The following PCDH15 variants were observed in gnomAD, a reference collection of about 807,000 sequenced individuals.
PCDH15 encodes protocadherin-15.
PCDH15 carries 129 observed loss-of-function variants against 178.5 expected under a neutral mutation model. The observed-to-expected ratio is 0.72, with a 90% CI of 0.63 to 0.84. The LOEUF is 0.84. PCDH15 is among the 40% of genes least tolerant of loss of function. PCDH15 has a pLI of 0.00. For missense variants in PCDH15, 2,230 were observed against 2,099.9 expected (o/e 1.06, Z -1.21); for synonymous variants, 800 against 732.0 (o/e 1.09, Z -1.50).
At chr10:55,570,382 T>A (rs1483209854) in intron 2 of PCDH15, among the ~76,000 whole-genome samples, 3 of 151,976 alleles carry the variant, frequency 2.0e-5, no homozygotes, top group African/African-American at 7.2e-5. Context: ...ACTGGATGAT[T>A]GTAGGCATAG....
chr10:55,052,638 C>T (rs563140530), intron 2 of PCDH15, among the ~76,000 whole-genome samples: 2 of 150,250 alleles, frequency 1.3e-5, no homozygotes, highest in Non-Finnish European at 2.9e-5. Flanking sequence ...ATCGCTGGAA[C>T]CCGGGAGGCG....
intron 1 of PCDH15, among the ~76,000 whole-genome samples, chr10:54,726,052 C>A (rs1942446125): frequency 6.6e-6 from 1 of 151,480 alleles, no homozygotes; most frequent in Admixed American, 6.6e-5. Context: ...AAGGACTTGC[C>A]CAAGATCAGA....
intron 1 of PCDH15, among the ~76,000 whole-genome samples, chr10:55,173,167 T>A (rs1839385620): frequency 6.8e-6 from 1 of 146,828 alleles, no homozygotes; most frequent in African/African-American, 2.5e-5. Flanking sequence ...TCCTTGCCAC[T>A]TTTTTTTTTA....
intron 1 of PCDH15, among the ~76,000 whole-genome samples, chr10:54,750,886 A>G (rs1946132693): frequency 6.6e-6 from 1 of 152,096 alleles, no homozygotes; most frequent in South Asian, 2.1e-4. Flanking sequence ...GCAGCAATAA[A>G]AGCTTAGTAT....
intron 2 of PCDH15, among the ~76,000 whole-genome samples, chr10:55,035,472 A>G (rs1285704431): frequency 6.6e-6 from 1 of 152,070 alleles, no homozygotes; most frequent in Admixed American, 6.6e-5. Context: ...CTCTGTAAAG[A>G]CTTCCCTTGA....
intron 1 of PCDH15, among the ~76,000 whole-genome samples, chr10:55,261,727 C>T (rs970577668): frequency 1.1e-4 from 17 of 152,000 alleles, no homozygotes; most frequent in Admixed American, 2.6e-4. Context: ...CCTCTATTCC[C>T]GAAAGAACAA....
chr10:55,103,765 A>G (rs1842621398), intron 2 of PCDH15, among the ~76,000 whole-genome samples: 1 of 152,032 alleles, frequency 6.6e-6, no homozygotes, highest in Non-Finnish European at 1.5e-5. Flanking sequence ...AATTAGAGAT[A>G]TTGTGTTTAG....
At chr10:54,551,016 C>A (rs10825354) in intron 2 of PCDH15, among the ~76,000 whole-genome samples, 9,374 of 151,598 alleles carry the variant, frequency 0.062, 604 homozygotes, top group East Asian at 0.32. Context: ...ATTAGCCAGG[C>A]ATAGTGGCAC....
chr10:54,749,878 G>A (rs1281192240), intron 1 of PCDH15, among the ~76,000 whole-genome samples: 1 of 152,050 alleles, frequency 6.6e-6, no homozygotes, highest in Non-Finnish European at 1.5e-5. Flanking sequence ...CATAGACTCT[G>A]GAGTATCAGA....
At chr10:55,057,805 T>C (rs1354122828) in intron 2 of PCDH15, among the ~76,000 whole-genome samples, 1 of 152,230 alleles carries the variant, frequency 6.6e-6, no homozygotes, top group Non-Finnish European at 1.5e-5. Flanking sequence ...TTCACGAGAT[T>C]CTACTTATCT....
chr10:53,815,409 T>C (rs2132424652), intron 35 of PCDH15, among the ~76,000 whole-genome samples: 1 of 152,310 alleles, frequency 6.6e-6, no homozygotes, highest in Non-Finnish European at 1.5e-5. Context: ...GTATCTTGAC[T>C]AAGGTCTTGC....
chr10:55,419,867 A>G (rs1489228710), intron 2 of PCDH15, among the ~76,000 whole-genome samples: 1 of 151,750 alleles, frequency 6.6e-6, no homozygotes, highest in East Asian at 1.9e-4. Flanking sequence ...AAAAATATGA[A>G]CAGATAGTAA....
intron 26 of PCDH15, among the ~76,000 whole-genome samples, chr10:53,893,195 T>C (rs538434336): frequency 1.3e-5 from 2 of 152,208 alleles, no homozygotes; most frequent in East Asian, 1.9e-4. Context: ...AAAAAAATCT[T>C]CACATTTGAT....
At chr10:54,670,818 T>C (rs2135499706) in intron 1 of PCDH15, among the ~76,000 whole-genome samples, 1 of 152,280 alleles carries the variant, frequency 6.6e-6, no homozygotes, top group South Asian at 2.1e-4. Context: ...ACTATAGAAA[T>C]AAATTATTCC....
intron 3 of PCDH15, among the ~76,000 whole-genome samples, chr10:54,408,505 T>A (rs1410920848): frequency 6.6e-6 from 1 of 152,190 alleles, no homozygotes; most frequent in Non-Finnish European, 1.5e-5. Context: ...TTTTACAATA[T>A]TCTTACATTA....
intron 2 of PCDH15, among the ~76,000 whole-genome samples, chr10:54,585,735 C>T (rs1388641797): frequency 6.6e-6 from 1 of 152,012 alleles, no homozygotes; most frequent in Non-Finnish European, 1.5e-5. Context: ...AGATAACAGC[C>T]GCAATCAACT....
At chr10:54,703,071 A>G (rs1480070096) in intron 1 of PCDH15, among the ~76,000 whole-genome samples, 2 of 152,264 alleles carry the variant, frequency 1.3e-5, no homozygotes, top group East Asian at 3.9e-4. Flanking sequence ...GGTTGGTTCA[A>G]CATATGCAAA....
At chr10:54,183,404 A>C (rs1429008931) in intron 13 of PCDH15, 40 bp downstream of exon 13, 3 of 1,559,802 alleles carry the variant, frequency 1.9e-6, no homozygotes, top group African/African-American at 2.7e-5. Context: ...ACATGTAAAT[A>C]ACAGCTTTGA....
chr10:55,450,263 G>A (rs895087972), intron 2 of PCDH15, among the ~76,000 whole-genome samples: 2 of 152,048 alleles, frequency 1.3e-5, no homozygotes, highest in Non-Finnish European at 2.9e-5. Flanking sequence ...TCCCAGGCTC[G>A]TTTATACATG....
Sources: allele counts gnomAD v4.1 joint callset (sites outside exome capture counted in the v4.1 genomes callset), GRCh38; gene constraint gnomAD v4.1.1; transcripts MANE v1.5; gene names NCBI Gene and HGNC (gene_info 2026-07-23, HGNC 2026-07-21).